TTC12: variants seen among roughly 807,000 people sequenced by gnomAD.
TTC12 encodes the protein tetratricopeptide repeat protein 12.
In TTC12, 70 loss-of-function variants were observed where a neutral mutation model predicts 90.1. That is an observed-to-expected ratio of 0.78 (90% CI 0.64 to 0.95). TTC12 has a LOEUF of 0.95. Ranked by LOEUF, TTC12 falls within the 40% of genes least tolerant of loss-of-function variation. The pLI is 0.00. For missense variants in TTC12, 819 were observed against 846.1 expected (o/e 0.97, Z 0.40); for synonymous variants, 296 against 311.5 (o/e 0.95, Z 0.53).
chr11:113,329,917 C>T lies in TTC12; in HGVS notation c.445-3C>T, dbSNP rs1947930362. 1 of 1,612,534 alleles carries T rather than the reference C, an allele frequency of 6.2e-7. No individual in the cohort carries two copies. Among genetic ancestry groups the T allele is most frequent in the Non-Finnish European group, 8.5e-7 (1 of 1,178,550 alleles). The stretch of plus-strand genomic sequence containing the variant: ...TGAATATCAGCTGTTGGTTTCATTA[C>T]AGGCTTATATGAAACTTGAGGACTA... On this transcript the variant is annotated splice_polypyrimidine_tract_variant and splice_region_variant and intron_variant, in intron 6 of 21. Transcript: ENST00000529221.
downstream of TTC12, among the ~76,000 whole-genome samples, chr11:113,366,583 A>G (rs1950225194): frequency 6.6e-6 from 1 of 151,984 alleles, no homozygotes; most frequent in East Asian, 1.9e-4. Context: ...CATTGCCCAG[A>G]CTCCCTTGTA....
intron 13 of TTC12, among the ~76,000 whole-genome samples, chr11:113,345,597 C>T (rs1555147865): frequency 6.6e-6 from 1 of 152,194 alleles, no homozygotes; most frequent in Non-Finnish European, 1.5e-5. Context: ...GCCTTGCCTA[C>T]GGCTCCCCTT....
intron 2 of TTC12, among the ~76,000 whole-genome samples, chr11:113,319,874 T>C (rs1555137524): frequency 6.6e-6 from 1 of 152,084 alleles, no homozygotes; most frequent in Non-Finnish European, 1.5e-5. Flanking sequence ...CAAATAATGC[T>C]CCTGCCCTAC....
chr11:113,324,808 G>A, intron 5 of TTC12, 126 bp downstream of exon 5: 1 of 760,496 alleles, frequency 1.3e-6, no homozygotes, highest in Admixed American at 2.5e-5. Context: ...TGGGCTTGAG[G>A]CAGTGGGACC....
At chr11:113,349,361 A>G (rs990721092) in intron 13 of TTC12, among the ~76,000 whole-genome samples, 7 of 152,192 alleles carry the variant, frequency 4.6e-5, no homozygotes, top group Admixed American at 3.3e-4. Flanking sequence ...CACCTTATAG[A>G]TGCTTAATGC....
chr11:113,339,514 T>C, intron 10 of TTC12, 40 bp downstream of exon 10: 5 of 1,549,362 alleles, frequency 3.2e-6, no homozygotes, highest in Non-Finnish European at 4.4e-6. Context: ...GTGCTGTCAG[T>C]GTGAAGGGAC....
intron 6 of TTC12, among the ~76,000 whole-genome samples, chr11:113,328,128 C>T (rs979103637): frequency 4.6e-5 from 7 of 152,126 alleles, no homozygotes; most frequent in Admixed American, 3.3e-4. Context: ...GTAGTACTGG[C>T]TTTATTATTG....
Position 113,359,935 on chromosome 11 carries a change from T to C in TTC12, c.1546-5T>C, listed in dbSNP as rs1949826651. On this transcript the variant is annotated splice_region_variant and splice_polypyrimidine_tract_variant and intron_variant, in intron 17 of 21. Coordinates refer to ENST00000529221, the MANE Select transcript of TTC12 (RefSeq NM_017868.4). ...TCTCCTGCTGGCCTCTCCCCATTGTTGTAGGTTTGGGCTGTGGAGGTGAGC... is the reference window on the plus strand; with the variant it reads ...TCTCCTGCTGGCCTCTCCCCATTGTCGTAGGTTTGGGCTGTGGAGGTGAGC... 1 of 1,591,464 alleles carries C rather than the reference T, an allele frequency of 6.3e-7. No homozygotes were observed. Among genetic ancestry groups the C allele is most frequent in the Non-Finnish European group, 8.6e-7 (1 of 1,168,782 alleles).
chr11:113,363,935 A>C lies in TTC12; in HGVS notation c.1816+8A>C, dbSNP rs766277408. 1 of 1,599,312 alleles carries C rather than the reference A, an allele frequency of 6.3e-7. No individual in the cohort carries two copies. The highest frequency in any genetic ancestry group is 8.6e-7 in the Non-Finnish European group (1 of 1,166,808). ...TAATAAGACTGGATAAAAGTAAGTG[A>C]TGATTTCCTTAAGGGAGCCCTTGTC... On this transcript the variant is annotated splice_region_variant and intron_variant, in intron 20 of 21. Transcript: ENST00000529221.
intron 16 of TTC12, among the ~76,000 whole-genome samples, chr11:113,353,506 C>T (rs1949431824): frequency 6.6e-6 from 1 of 152,098 alleles, no homozygotes; most frequent in African/African-American, 2.4e-5. Flanking sequence ...GTTGCGATTG[C>T]TTTTGGTGTC....
In TTC12 at chr11:113,360,476, T is replaced by C. The variant is rs1391795875; in HGVS notation, c.1614+468T>C. Among the ~76,000 whole-genome samples the C allele has an allele frequency of 3.3e-5, 5 of 152,340 alleles. No homozygotes were observed. The East Asian group carries it at 7.7e-4, about 24-fold the overall frequency. ...AGAGGTTGTTTGTGCATAATAGTTT[T>C]ACCCTCTTTTTAAAATATATGCTGA... On this transcript the variant is annotated intron_variant, in intron 18 of 21. Transcript: ENST00000529221.
intron 13 of TTC12, among the ~76,000 whole-genome samples, chr11:113,349,537 A>G (rs1555149322): frequency 6.6e-6 from 1 of 152,224 alleles, no homozygotes; most frequent in Non-Finnish European, 1.5e-5. Flanking sequence ...TCTCATAGGA[A>G]CCAGTTATAA....
At chr11:113,355,108 G>A (rs976026652) in intron 16 of TTC12, among the ~76,000 whole-genome samples, 2 of 152,124 alleles carry the variant, frequency 1.3e-5, no homozygotes, top group African/African-American at 4.8e-5. Flanking sequence ...TGATTGGTAG[G>A]CTCTTTATTA....
chr11:113,315,593 G>A (rs1175624976), intron 1 of TTC12, among the ~76,000 whole-genome samples: 1 of 152,164 alleles, frequency 6.6e-6, no homozygotes, highest in African/African-American at 2.4e-5. Flanking sequence ...TGATTTTTAT[G>A]ATCTGTGGAT....
intron 9 of TTC12, among the ~76,000 whole-genome samples, chr11:113,339,059 C>T (rs1416745129): frequency 6.6e-6 from 1 of 152,176 alleles, no homozygotes; most frequent in Non-Finnish European, 1.5e-5. Context: ...CACCATCCTC[C>T]CTTAGACACT....
intron 13 of TTC12, among the ~76,000 whole-genome samples, chr11:113,347,991 G>A (rs782753473): frequency 9.2e-5 from 14 of 152,124 alleles, no homozygotes; most frequent in Non-Finnish European, 1.5e-4. Flanking sequence ...ATTCCTTTGT[G>A]GTTTCCTTTG....
intron 5 of TTC12, among the ~76,000 whole-genome samples, chr11:113,325,267 G>T (rs1164950420): frequency 6.6e-6 from 1 of 152,122 alleles, no homozygotes; most frequent in Non-Finnish European, 1.5e-5. Flanking sequence ...GGCAAGCTTA[G>T]TATGGTTCTC....
At chr11:113,362,183 AAAT>A (rs1271945027) in intron 18 of TTC12, among the ~76,000 whole-genome samples, 1 of 152,176 alleles carries the variant, frequency 6.6e-6, no homozygotes, top group African/African-American at 2.4e-5. Context: ...TGTGAAGCTG[AAAT>A]AATATGGGCC....
downstream of TTC12, chr11:113,368,504 A>G (rs991906062): frequency 2.3e-5 from 35 of 1,549,782 alleles, no homozygotes; most frequent in Non-Finnish European, 2.8e-5. Flanking sequence ...AGGAGCTGGG[A>G]TTTTCCATCC....
Sources: allele counts gnomAD v4.1 joint callset (sites outside exome capture counted in the v4.1 genomes callset), GRCh38; gene constraint gnomAD v4.1.1; transcripts MANE v1.5; gene names NCBI Gene and HGNC (gene_info 2026-07-23, HGNC 2026-07-21).